The following NBEA variants were observed in gnomAD, a reference collection of about 807,000 sequenced individuals.
The protein encoded by NBEA is lysosomal-trafficking regulator 2.
In NBEA, 44 loss-of-function variants were observed where a neutral mutation model predicts 343.4. The ratio of observed to expected loss-of-function variants is 0.13; its 90% CI spans 0.10 to 0.16. NBEA has a LOEUF of 0.16. Ranked by LOEUF, NBEA falls within the 10% of genes least tolerant of loss-of-function variation. The pLI is 1.00. For synonymous variants in NBEA, 1,175 were observed against 1,238.7 expected, an observed-to-expected ratio of 0.95 and a Z score of 1.08; for missense variants, 2,555 against 3,631.3, an observed-to-expected ratio of 0.70 and a Z score of 7.62.
At chr13:34,980,636 A>G (rs1401704042) in intron 1 of NBEA, among the ~76,000 whole-genome samples, 2 of 151,916 alleles carry the variant, frequency 1.3e-5, no homozygotes, top group East Asian at 2.0e-4. Flanking sequence ...TATTTAATAC[A>G]GTGTTGAATG....
chr13:35,577,775 G>T (rs1251844505), intron 45 of NBEA, among the ~76,000 whole-genome samples: 1 of 152,088 alleles, frequency 6.6e-6, no homozygotes, highest in Non-Finnish European at 1.5e-5. Context: ...TCTTCGAAGG[G>T]CTACACTACT....
At chr13:35,141,240 G>T (rs2068073517) in intron 17 of NBEA, among the ~76,000 whole-genome samples, 1 of 152,026 alleles carries the variant, frequency 6.6e-6, no homozygotes, top group African/African-American at 2.4e-5. Flanking sequence ...TGGGAGAGAA[G>T]ATGATCCAGA....
chr13:35,158,955 T>A, intron 21 of NBEA, 61 bp from the exon 22 acceptor site: 1 of 1,342,872 alleles, frequency 7.4e-7, no homozygotes. Flanking sequence ...ATTTGTATTA[T>A]TTAGTTTTTT....
At chr13:35,599,184 C>T (rs564683930) in intron 47 of NBEA, among the ~76,000 whole-genome samples, 10 of 152,252 alleles carry the variant, frequency 6.6e-5, no homozygotes, top group Middle Eastern at 3.4e-3. Context: ...TCCTCACCAC[C>T]CCTCCCACTT....
chr13:35,516,086 A>G (rs2077476470), intron 41 of NBEA, among the ~76,000 whole-genome samples: 1 of 152,234 alleles, frequency 6.6e-6, no homozygotes, highest in Non-Finnish European at 1.5e-5. Context: ...TAAATTATAT[A>G]TATGTTTCTG....
intron 41 of NBEA, among the ~76,000 whole-genome samples, chr13:35,530,084 A>G (rs2078182090): frequency 6.6e-6 from 1 of 152,160 alleles, no homozygotes; most frequent in East Asian, 1.9e-4. Context: ...TAAGCTTTGT[A>G]TCTGTTTTTC....
At chr13:35,124,613 C>A (rs1249017048) in intron 17 of NBEA, among the ~76,000 whole-genome samples, 1 of 146,588 alleles carries the variant, frequency 6.8e-6, no homozygotes, top group Non-Finnish European at 1.5e-5. Context: ...TATACACATA[C>A]ATATATATGG....
intron 41 of NBEA, among the ~76,000 whole-genome samples, chr13:35,528,334 T>C (rs1022802927): frequency 6.6e-6 from 1 of 152,232 alleles, no homozygotes; most frequent in Non-Finnish European, 1.5e-5. Flanking sequence ...AAGAAGACAT[T>C]CGTTTAAGTG....
At chr13:35,109,576 G>A (rs1288479064) in intron 12 of NBEA, 134 bp downstream of exon 12, 2 of 756,596 alleles carry the variant, frequency 2.6e-6, no homozygotes, top group Non-Finnish European at 3.7e-6. Context: ...ATTGTGTTAG[G>A]CAGTATCAGG....
chr13:35,200,369 GA>G (rs2152744880), intron 31 of NBEA, among the ~76,000 whole-genome samples: 1 of 148,592 alleles, frequency 6.7e-6, no homozygotes, highest in East Asian at 2.0e-4. Flanking sequence ...TTTATCTTTT[GA>G]GTGTTTGGTA....
intron 22 of NBEA, 73 bp downstream of exon 22, chr13:35,160,105 A>T: frequency 7.7e-7 from 1 of 1,305,116 alleles, no homozygotes; most frequent in Non-Finnish European, 1.0e-6. Flanking sequence ...AAACAGAGTA[A>T]TTTCTTATCA....
chr13:35,220,007 G>A (rs534195151), intron 33 of NBEA, among the ~76,000 whole-genome samples: 3 of 152,194 alleles, frequency 2.0e-5, no homozygotes, highest in South Asian at 2.1e-4. Flanking sequence ...AATTAACCAC[G>A]ATGCTAGATC....
At chr13:35,174,542 C>G (rs1476976557) in intron 27 of NBEA, among the ~76,000 whole-genome samples, 1 of 152,078 alleles carries the variant, frequency 6.6e-6, no homozygotes, top group East Asian at 1.9e-4. Context: ...AGCAGACTGA[C>G]CACATATTTA....
intron 1 of NBEA, among the ~76,000 whole-genome samples, chr13:34,962,312 C>G (rs1377773761): frequency 6.6e-6 from 1 of 151,888 alleles, no homozygotes; most frequent in Non-Finnish European, 1.5e-5. Context: ...ACACACATAA[C>G]CTTTATATTG....
At chr13:35,463,586 C>G (rs1193101196) in intron 40 of NBEA, among the ~76,000 whole-genome samples, 2 of 152,052 alleles carry the variant, frequency 1.3e-5, no homozygotes, top group Non-Finnish European at 2.9e-5. Context: ...CGCCACTGCA[C>G]TCCAGCCTGG....
chr13:34,995,490 A>T (rs1172015780), intron 1 of NBEA, among the ~76,000 whole-genome samples: 3 of 152,190 alleles, frequency 2.0e-5, no homozygotes, highest in Admixed American at 2.0e-4. Flanking sequence ...CAAAAAACAA[A>T]CAAACAAACC....
At chr13:35,364,658 G>C (rs892689391) in intron 38 of NBEA, among the ~76,000 whole-genome samples, 4 of 151,780 alleles carry the variant, frequency 2.6e-5, no homozygotes, top group African/African-American at 9.7e-5. Flanking sequence ...GTAATCAGGA[G>C]ATTATGAAAC....
intron 25 of NBEA, 122 bp downstream of exon 25, chr13:35,169,117 C>A: frequency 1.6e-6 from 1 of 635,308 alleles, no homozygotes; most frequent in Non-Finnish European, 2.5e-6. Context: ...TGAGACATAT[C>A]TTTTGTATAT....
At chr13:35,349,062 C>A (rs1438431037) in intron 36 of NBEA, 46 bp from the exon 37 acceptor site, 5 of 1,102,684 alleles carry the variant, frequency 4.5e-6, no homozygotes, top group Non-Finnish European at 5.0e-6. Flanking sequence ...ATTGGACTGA[C>A]CAAAGCTATT....
Sources: allele counts gnomAD v4.1 joint callset (sites outside exome capture counted in the v4.1 genomes callset), GRCh38; gene constraint gnomAD v4.1.1; transcripts MANE v1.5; gene names NCBI Gene and HGNC (gene_info 2026-07-23, HGNC 2026-07-21).